The following GRIK2 variants were observed in gnomAD, a reference collection of about 807,000 sequenced individuals.
GRIK2 encodes the protein glutamate receptor ionotropic, kainate 2.
A neutral mutation model predicts 100.3 loss-of-function variants in GRIK2; 32 were observed. The ratio of observed to expected loss-of-function variants is 0.32; its 90% CI spans 0.24 to 0.43. The LOEUF is 0.43. Among genes scored for constraint, GRIK2 ranks in the 20% least tolerant of loss-of-function variants. GRIK2 has a pLI of 1.00. For missense variants in GRIK2, 843 were observed against 1,114.9 expected, an observed-to-expected ratio of 0.76 and a Z score of 3.47; for synonymous variants, 417 against 389.4, an observed-to-expected ratio of 1.07 and a Z score of -0.83.
chr6:101,793,834 A>C (rs1780078727), intron 7 of GRIK2, among the ~76,000 whole-genome samples: 1 of 152,168 alleles, frequency 6.6e-6, no homozygotes, highest in Non-Finnish European at 1.5e-5. Context: ...AGAGGCAGGC[A>C]GACCTCCTTG....
intron 7 of GRIK2, among the ~76,000 whole-genome samples, chr6:101,714,135 G>A (rs941567984): frequency 9.9e-5 from 15 of 151,636 alleles, no homozygotes; most frequent in African/African-American, 3.6e-4. Flanking sequence ...CAGAATAGAG[G>A]TAGGCTACCA....
At chr6:101,851,695 C>T (rs1362721261) in intron 10 of GRIK2, among the ~76,000 whole-genome samples, 1 of 150,602 alleles carries the variant, frequency 6.6e-6, no homozygotes, top group Admixed American at 6.6e-5. Flanking sequence ...TATTTTCTTC[C>T]ATAAAGTTGT....
At chr6:101,984,339 G>C (rs2128490297) in intron 14 of GRIK2, among the ~76,000 whole-genome samples, 1 of 151,468 alleles carries the variant, frequency 6.6e-6, no homozygotes, top group Non-Finnish European at 1.5e-5. Context: ...TTTTTTTTCA[G>C]TCACCCTAAG....
intron 7 of GRIK2, among the ~76,000 whole-genome samples, chr6:101,761,800 TCTTC>T (rs1020180976): frequency 3.2e-5 from 3 of 93,188 alleles, no homozygotes; most frequent in African/African-American, 6.1e-5. Context: ...TCCCTTCCTT[TCTTC>T]CTTCCTTCCT....
intron 7 of GRIK2, among the ~76,000 whole-genome samples, chr6:101,742,213 G>T (rs1306004120): frequency 6.6e-6 from 1 of 152,172 alleles, no homozygotes; most frequent in African/African-American, 2.4e-5. Context: ...TGCCTGTTAC[G>T]CAGTATGCCA....
intron 4 of GRIK2, among the ~76,000 whole-genome samples, chr6:101,631,514 A>C (rs1412041300): frequency 6.6e-6 from 1 of 152,146 alleles, no homozygotes; most frequent in Non-Finnish European, 1.5e-5. Context: ...AGTTGCTGTC[A>C]CGTAAACTAT....
At chr6:101,710,274 G>A (rs534674968) in intron 7 of GRIK2, among the ~76,000 whole-genome samples, 17 of 151,888 alleles carry the variant, frequency 1.1e-4, no homozygotes, top group South Asian at 1.0e-3. Flanking sequence ...ACAGGGGATT[G>A]GCAGTCAGAA....
chr6:101,932,332 A>ATGCACC (rs1790341612), intron 14 of GRIK2, among the ~76,000 whole-genome samples: 1 of 152,050 alleles, frequency 6.6e-6, no homozygotes, highest in African/African-American at 2.4e-5. Flanking sequence ...TATTTTAAAA[A>ATGCACC]TGTAAGCTCC....
chr6:101,753,282 CAAAAA>C (rs774187168), intron 7 of GRIK2, among the ~76,000 whole-genome samples: 3,164 of 70,886 alleles, frequency 0.045, 90 homozygotes, highest in African/African-American at 0.11. Flanking sequence ...GACTCCGTCT[CAAAAA>C]AAAAAAAAAA....
intron 7 of GRIK2, among the ~76,000 whole-genome samples, chr6:101,765,437 A>C (rs1777988898): frequency 6.6e-6 from 1 of 152,118 alleles, no homozygotes; most frequent in South Asian, 2.1e-4. Flanking sequence ...TGTATATGTT[A>C]ATGTAGTAAT....
intron 7 of GRIK2, among the ~76,000 whole-genome samples, chr6:101,775,575 T>C (rs1041094705): frequency 2.6e-5 from 4 of 150,952 alleles, no homozygotes; most frequent in Non-Finnish European, 4.4e-5. Flanking sequence ...CACACACACA[T>C]TACTGTATAG....
chr6:101,695,930 A>G (rs1772454924), intron 7 of GRIK2, among the ~76,000 whole-genome samples: 1 of 152,104 alleles, frequency 6.6e-6, no homozygotes, highest in African/African-American at 2.4e-5. Context: ...GAATTGTTGT[A>G]TGGGTACTTG....
chr6:101,457,429 C>G (rs1771066444), intron 2 of GRIK2, among the ~76,000 whole-genome samples: 1 of 151,980 alleles, frequency 6.6e-6, no homozygotes, highest in Non-Finnish European at 1.5e-5. Flanking sequence ...TAGTATGGCA[C>G]TTGACATACC....
chr6:101,797,538 G>A (rs1217283471), intron 7 of GRIK2, among the ~76,000 whole-genome samples: 1 of 149,402 alleles, frequency 6.7e-6, no homozygotes, highest in Non-Finnish European at 1.5e-5. Flanking sequence ...ATACATGCAT[G>A]TGTATTTTAG....
intron 10 of GRIK2, among the ~76,000 whole-genome samples, chr6:101,842,880 T>C (rs1247196311): frequency 2.0e-5 from 3 of 152,200 alleles, no homozygotes; most frequent in African/African-American, 7.2e-5. Context: ...TCTCTATCAA[T>C]GTGTTTCCAT....
chr6:101,595,533 A>G (rs1778875986), intron 2 of GRIK2, among the ~76,000 whole-genome samples: 1 of 151,596 alleles, frequency 6.6e-6, no homozygotes, highest in African/African-American at 2.4e-5. Flanking sequence ...AAGCCATATT[A>G]GCATGGTCCT....
At chr6:101,547,599 T>C (rs1363704636) in intron 2 of GRIK2, among the ~76,000 whole-genome samples, 1 of 152,214 alleles carries the variant, frequency 6.6e-6, no homozygotes, top group Admixed American at 6.5e-5. Context: ...AAAAATTTGC[T>C]GAGAATGATG....
chr6:101,700,221 AAATT>A (rs912295363), intron 7 of GRIK2, among the ~76,000 whole-genome samples: 9 of 151,816 alleles, frequency 5.9e-5, no homozygotes, highest in African/African-American at 1.7e-4. Flanking sequence ...ACATAGAACT[AAATT>A]AATAATAATA....
chr6:101,821,636 A>G (rs1311212043), intron 10 of GRIK2, among the ~76,000 whole-genome samples: 2 of 152,086 alleles, frequency 1.3e-5, no homozygotes, highest in Admixed American at 6.6e-5. Flanking sequence ...AAGGCACTTT[A>G]TTTTTATACC....
Sources: gnomAD v4.1 joint callset for allele counts (sites outside exome capture counted in the v4.1 genomes callset) on GRCh38, gnomAD v4.1.1 for gene constraint, MANE v1.5 for transcripts, NCBI Gene and HGNC (gene_info 2026-07-23, HGNC 2026-07-21) for gene names.